Variants in PLD5 observed in about 807,000 individuals in gnomAD.
PLD5 encodes phospholipase D family member 5.
PLD5 carries 36 observed loss-of-function variants against 61.1 expected under a neutral mutation model. The ratio of observed to expected loss-of-function variants is 0.59; its 90% CI spans 0.45 to 0.78. The LOEUF is 0.78. Ranked by LOEUF, PLD5 falls within the 30% of genes least tolerant of loss-of-function variation. PLD5 has a pLI of 0.00. For missense variants in PLD5, 515 were observed against 644.4 expected (o/e 0.80, Z 2.17); for synonymous variants, 243 against 242.8 (o/e 1.00, Z -0.01).
chr1:242,311,199 TAA>T (rs993405081), intron 2 of PLD5, among the ~76,000 whole-genome samples: 1 of 152,022 alleles, frequency 6.6e-6, no homozygotes, highest in African/African-American at 2.4e-5. Context: ...CACAAATGAC[TAA>T]AAAAAAGTTT....
At chr1:242,282,371 G>T (rs982354734) in intron 3 of PLD5, among the ~76,000 whole-genome samples, 1 of 152,152 alleles carries the variant, frequency 6.6e-6, no homozygotes. Flanking sequence ...GCTCATTTCT[G>T]CAGTCTTGCT....
chr1:242,274,278 G>C (rs1242178707), intron 3 of PLD5, among the ~76,000 whole-genome samples: 1 of 152,258 alleles, frequency 6.6e-6, no homozygotes, highest in African/African-American at 2.4e-5. Flanking sequence ...GCTAGGTGCA[G>C]TGCTTACGCC....
rs1187108158 is a variant in PLD5 at position 242,326,915 on chromosome 1, G to A, written c.326+21191C>T. On this transcript the variant is annotated intron_variant, in intron 2 of 9. Coordinates refer to ENST00000536534, the MANE Select transcript of PLD5 (RefSeq NM_001372062.1). ...GAGTCTCATTCTGTTGCCCAGGCTGGAGTGCAGTGGTGCAATCTCGGCTCA... is the reference window on the plus strand; with the variant it reads ...GAGTCTCATTCTGTTGCCCAGGCTGAAGTGCAGTGGTGCAATCTCGGCTCA... Among the ~76,000 whole-genome samples the A allele has an allele frequency of 3.9e-5, 6 of 151,986 alleles. No individual in the cohort carries two copies. In the East Asian group the frequency reaches 1.2e-3, roughly 30 times the overall value.
At chr1:242,122,205 T>C (rs551378936) in intron 6 of PLD5, among the ~76,000 whole-genome samples, 2 of 152,214 alleles carry the variant, frequency 1.3e-5, no homozygotes, top group South Asian at 4.2e-4. Flanking sequence ...CCCTAGAAAA[T>C]AACAAAGGTA....
chr1:242,160,715 C>T (rs6673243), intron 5 of PLD5, among the ~76,000 whole-genome samples: 52,916 of 151,566 alleles, frequency 0.35, 9,509 homozygotes, highest in African/African-American at 0.4. Flanking sequence ...TGAAACACCA[C>T]CTCTACTAAA....
intron 1 of PLD5, among the ~76,000 whole-genome samples, chr1:242,449,135 C>T (rs945952178): frequency 1.3e-5 from 2 of 152,186 alleles, no homozygotes; most frequent in Non-Finnish European, 2.9e-5. Flanking sequence ...TTATAAATTA[C>T]AAAGCACCAT....
At chr1:242,517,472 T>C (rs150319846) in intron 1 of PLD5, among the ~76,000 whole-genome samples, 1 of 152,372 alleles carries the variant, frequency 6.6e-6, no homozygotes, top group African/African-American at 2.4e-5. Context: ...CCTATTAATA[T>C]GATAAAATAT....
intron 8 of PLD5, among the ~76,000 whole-genome samples, chr1:242,107,423 G>A (rs10754750): frequency 6.6e-6 from 1 of 151,962 alleles, no homozygotes; most frequent in Non-Finnish European, 1.5e-5. Context: ...AGAAAAAAAA[G>A]AAAAAAGAAA....
chr1:242,354,059 G>T (rs371951929), intron 1 of PLD5, among the ~76,000 whole-genome samples: 3 of 151,814 alleles, frequency 2.0e-5, no homozygotes, highest in Admixed American at 2.0e-4. Flanking sequence ...AAGAGACCAG[G>T]AAGACTTACT....
At chr1:242,110,825 C>T (rs1232018734) in intron 7 of PLD5, among the ~76,000 whole-genome samples, 1 of 152,142 alleles carries the variant, frequency 6.6e-6, no homozygotes, top group Non-Finnish European at 1.5e-5. Flanking sequence ...CACACACACA[C>T]ACACCAATGG....
intron 9 of PLD5, among the ~76,000 whole-genome samples, chr1:242,093,289 G>A (rs1296438033): frequency 2.0e-5 from 3 of 152,142 alleles, no homozygotes; most frequent in Admixed American, 2.0e-4. Context: ...CGTGGGTTGA[G>A]TGTTGCTCAG....
At chr1:242,245,808 G>A (rs1335797681) in intron 4 of PLD5, among the ~76,000 whole-genome samples, 11 of 152,226 alleles carry the variant, frequency 7.2e-5, no homozygotes, top group South Asian at 6.2e-4. Flanking sequence ...TGGTGTTAGT[G>A]GGGCCCAGTA....
At chr1:242,282,458 C>G (rs1674766729) in intron 3 of PLD5, among the ~76,000 whole-genome samples, 1 of 152,114 alleles carries the variant, frequency 6.6e-6, no homozygotes, top group African/African-American at 2.4e-5. Flanking sequence ...TCACCGAGCT[C>G]TTATGCTTGC....
intron 5 of PLD5, among the ~76,000 whole-genome samples, chr1:242,173,917 A>G (rs1476969164): frequency 6.6e-6 from 1 of 152,256 alleles, no homozygotes; most frequent in Admixed American, 6.5e-5. Context: ...TTAAAGACTT[A>G]AATGTTAGAT....
chr1:242,116,828 T>C (rs550611998), intron 6 of PLD5, among the ~76,000 whole-genome samples: 12 of 152,288 alleles, frequency 7.9e-5, no homozygotes, highest in African/African-American at 2.9e-4. Context: ...TCATTTATTT[T>C]TTTCTTTTGG....
At chr1:242,174,726 A>T (rs1238987491) in intron 5 of PLD5, among the ~76,000 whole-genome samples, 7 of 152,198 alleles carry the variant, frequency 4.6e-5, no homozygotes, top group African/African-American at 1.7e-4. Flanking sequence ...GCCATAAAAA[A>T]TGATGAGTTC....
intron 3 of PLD5, among the ~76,000 whole-genome samples, chr1:242,273,773 G>A (rs1195993450): frequency 6.6e-6 from 1 of 152,236 alleles, no homozygotes; most frequent in Non-Finnish European, 1.5e-5. Context: ...ATGGGCAAAA[G>A]GGGATTTGAC....
intron 1 of PLD5, among the ~76,000 whole-genome samples, chr1:242,491,880 C>G (rs529589281): frequency 6.6e-6 from 1 of 152,256 alleles, no homozygotes; most frequent in South Asian, 2.1e-4. Flanking sequence ...CTCATTTATC[C>G]CTTCCTTCTT....
intron 1 of PLD5, among the ~76,000 whole-genome samples, chr1:242,461,106 A>C (rs1188283856): frequency 6.6e-6 from 1 of 152,086 alleles, no homozygotes; most frequent in African/African-American, 2.4e-5. Flanking sequence ...GCGCCAGTGC[A>C]CTCCAGCCTG....
Sources: gnomAD v4.1 joint callset for allele counts (sites outside exome capture counted in the v4.1 genomes callset) on GRCh38, gnomAD v4.1.1 for gene constraint, MANE v1.5 for transcripts, NCBI Gene and HGNC (gene_info 2026-07-23, HGNC 2026-07-21) for gene names.